The following COMMD7 variants were observed in gnomAD, a reference collection of about 807,000 sequenced individuals.
COMMD7 encodes COMM domain containing 7, also known as COMM domain-containing protein 7.
COMMD7 carries 28 observed loss-of-function variants against 34.8 expected under a neutral mutation model. The ratio of observed to expected loss-of-function variants is 0.80; its 90% CI spans 0.60 to 1.10. The LOEUF is 1.10. COMMD7 is among the 50% of genes least tolerant of loss of function. The pLI is 0.00. For synonymous variants in COMMD7, 80 were observed against 86.4 expected, an observed-to-expected ratio of 0.93 and a Z score of 0.41; for missense variants, 211 against 241.6, an observed-to-expected ratio of 0.87 and a Z score of 0.84.
In COMMD7 at chr20:32,705,918, G is replaced by A. The variant is rs1984049182; in HGVS notation, c.336+665C>T. The stretch of plus-strand genomic sequence containing the variant: ...TCTCTTCATGATATAAAAGCAAGGG[G>A]CTGGCGGTGGTGGTTCACGACTGTA... On this transcript the variant is annotated intron_variant, in intron 5 of 8. Transcript: ENST00000278980. Among the ~76,000 whole-genome samples the A allele has an allele frequency of 5.3e-5, 8 of 152,234 alleles. No homozygotes were observed. The South Asian group carries it at 1.7e-3, about 32-fold the overall frequency.
At chr20:32,708,044 C>T (rs1263600128) in intron 3 of COMMD7, among the ~76,000 whole-genome samples, 1 of 152,100 alleles carries the variant, frequency 6.6e-6, no homozygotes, top group African/African-American at 2.4e-5. Context: ...CACAGTACAC[C>T]AAGATGGACT....
chr20:32,740,433 A>G (rs1240505873), intron 1 of COMMD7, among the ~76,000 whole-genome samples: 1 of 152,160 alleles, frequency 6.6e-6, no homozygotes, highest in Non-Finnish European at 1.5e-5. Context: ...TATGGGTAAG[A>G]TATTGAAAAA....
At chr20:32,713,985 C>T (rs1209018862) in intron 3 of COMMD7, among the ~76,000 whole-genome samples, 1 of 151,966 alleles carries the variant, frequency 6.6e-6, no homozygotes, top group Non-Finnish European at 1.5e-5. Flanking sequence ...TGGTGGTGAG[C>T]GCCTGTAATC....
intron 3 of COMMD7, among the ~76,000 whole-genome samples, chr20:32,715,027 A>AATAAAT (rs201980617): frequency 0.023 from 3,491 of 150,292 alleles, 132 homozygotes; most frequent in African/African-American, 0.069. Context: ...TAAAAATAAA[A>AATAAAT]ATAAATAAAT....
At chr20:32,709,715 C>G (rs1299962916) in intron 3 of COMMD7, among the ~76,000 whole-genome samples, 1 of 152,134 alleles carries the variant, frequency 6.6e-6, no homozygotes, top group Non-Finnish European at 1.5e-5. Flanking sequence ...AGGCTCTCTC[C>G]CTTGCTTACT....
chr20:32,722,137 C>G (rs6141336), intron 3 of COMMD7, among the ~76,000 whole-genome samples: 1 of 147,796 alleles, frequency 6.8e-6, no homozygotes, highest in Non-Finnish European at 1.5e-5. Context: ...TCCAGCTACT[C>G]GGGAGGCTGA....
At chr20:32,732,055 C>T (rs543157610) in intron 1 of COMMD7, among the ~76,000 whole-genome samples, 3 of 152,138 alleles carry the variant, frequency 2.0e-5, no homozygotes, top group Non-Finnish European at 4.4e-5. Flanking sequence ...CTGGGGTGAC[C>T]TTTCTAGGGG....
At chr20:32,734,034 A>C (rs1286581394) in intron 1 of COMMD7, among the ~76,000 whole-genome samples, 2 of 151,596 alleles carry the variant, frequency 1.3e-5, no homozygotes, top group African/African-American at 4.9e-5. Context: ...TAAAAAAATT[A>C]GCCAAGCGTG....
intron 1 of COMMD7, among the ~76,000 whole-genome samples, chr20:32,739,171 GAAT>G (rs1344461115): frequency 5.9e-5 from 9 of 152,120 alleles, no homozygotes; most frequent in African/African-American, 2.2e-4. Flanking sequence ...TGTAAAATGT[GAAT>G]AATAATAAGT....
chr20:32,741,012 G>A (rs1370311584), intron 1 of COMMD7, among the ~76,000 whole-genome samples: 1 of 151,788 alleles, frequency 6.6e-6, no homozygotes, highest in African/African-American at 2.4e-5. Flanking sequence ...GCATGGTGGT[G>A]CACGCCTGTA....
intron 3 of COMMD7, among the ~76,000 whole-genome samples, chr20:32,715,486 A>AACAC (rs1984724954): frequency 6.7e-6 from 1 of 149,910 alleles, no homozygotes; most frequent in African/African-American, 2.5e-5. Context: ...CAGTCTCAAA[A>AACAC]AAACAAACAA....
intron 1 of COMMD7, chr20:32,742,402 C>T (rs1986493190): frequency 6.6e-6 from 1 of 152,006 alleles, no homozygotes; most frequent in Admixed American, 6.6e-5. Context: ...AGGGGCGCTA[C>T]CTCCTGGGAA....
intron 1 of COMMD7, among the ~76,000 whole-genome samples, chr20:32,738,651 G>A (rs1314286970): frequency 1.3e-5 from 2 of 150,098 alleles, no homozygotes. Context: ...TGAACTCCTG[G>A]CCTCAAGTGA....
chr20:32,708,719 T>C (rs186680921), intron 3 of COMMD7, among the ~76,000 whole-genome samples: 2 of 125,434 alleles, frequency 1.6e-5, no homozygotes, highest in Non-Finnish European at 3.3e-5. Flanking sequence ...TGGAGTGCAG[T>C]TGGGCAATCT....
At chr20:32,713,297 G>T (rs28489965) in intron 3 of COMMD7, among the ~76,000 whole-genome samples, 4 of 151,996 alleles carry the variant, frequency 2.6e-5, no homozygotes, top group Non-Finnish European at 4.4e-5. Context: ...TGATCCACCC[G>T]CCTCGGCTTC....
At chr20:32,705,799 T>C (rs1450455205) in intron 5 of COMMD7, among the ~76,000 whole-genome samples, 1 of 152,174 alleles carries the variant, frequency 6.6e-6, no homozygotes, top group Non-Finnish European at 1.5e-5. Context: ...GCTGTGTGTA[T>C]GACATGCGCT....
In COMMD7 at chr20:32,704,485, T is replaced by C. The variant is rs1329828208; in HGVS notation, c.432A>G (p.Thr144=). The C allele has an allele frequency of 1.3e-6, 2 of 1,577,860 alleles. No individual in the cohort carries two copies. Among genetic ancestry groups the C allele is most frequent in the Admixed American group, 3.7e-5 (2 of 54,690 alleles). ...LIDMEWKFGV[T]SGSSELEKVG... ...CTTTCTCCAATTCGCTGCTCCCAGA[T>C]GTCACTGTGACAAAAAAAAAAAAAA... Residue 144 remains threonine, a synonymous_variant, in exon 7 of 9, where the codon ACA becomes ACG. Coordinates refer to ENST00000278980, the MANE Select transcript of COMMD7 (RefSeq NM_053041.3).
intron 1 of COMMD7, among the ~76,000 whole-genome samples, chr20:32,729,616 TA>T (rs59640846): frequency 0.016 from 2,267 of 141,902 alleles, 46 homozygotes; most frequent in African/African-American, 0.049. Flanking sequence ...CCCCACCTCT[TA>T]AAAAAAAAAA....
At position 32,722,478 on chromosome 20, in the gene COMMD7, G is replaced by A. The variant is rs144497082; in HGVS notation, c.241+5415C>T. Reference sequence around the variant, plus strand: ...GATGGCTCATGCCTGTAATCCCAGCGCTGTGGGAGGCGTGGCCGGCAGATC... The same window carrying A: ...GATGGCTCATGCCTGTAATCCCAGCACTGTGGGAGGCGTGGCCGGCAGATC... On this transcript the variant is annotated intron_variant, in intron 3 of 8. Transcript: ENST00000278980. 5.0e-3 allele frequency among the ~76,000 whole-genome samples: 765 copies of A among 152,038 alleles called. 4 individuals are homozygous for A. The highest frequency in any genetic ancestry group is 0.018 in the African/African-American group (732 of 41,466).
Sources: gnomAD v4.1 joint callset for allele counts (sites outside exome capture counted in the v4.1 genomes callset) on GRCh38, gnomAD v4.1.1 for gene constraint, MANE v1.5 for transcripts, NCBI Gene and HGNC (gene_info 2026-07-23, HGNC 2026-07-21) for gene names.